Variants in MED13 observed in about 807,000 individuals in gnomAD.
The protein encoded by MED13 is mediator complex subunit 13.
Under a neutral mutation model 225.2 loss-of-function variants are expected in MED13, and 23 were observed. The ratio of observed to expected loss-of-function variants is 0.10; its 90% confidence interval spans 0.07 to 0.14. The LOEUF is 0.14. MED13 is among the 10% of genes least tolerant of loss of function. MED13 has a pLI of 1.00. For synonymous variants in MED13, 942 were observed against 889.2 expected, an observed-to-expected ratio of 1.06 and a Z score of -1.06; for missense variants, 2,197 against 2,594.5, an observed-to-expected ratio of 0.85 and a Z score of 3.33.
Position 61,982,845 on chromosome 17 carries a change from G to A in MED13, c.3158C>T (p.Pro1053Leu), listed in dbSNP as rs752881849. Residue 1053 changes from proline (P) to leucine (L), a missense_variant, in exon 16 of 30, where the codon CCC becomes CTC. Pro to Leu is a moderately conservative substitution (Grantham distance 98). This residue lies in a region of MED13 where 99 missense variants were observed against 158.5 expected (regional missense o/e 0.62). Coordinates refer to ENST00000397786, the MANE Select transcript of MED13 (RefSeq NM_005121.3). The part of the protein sequence containing the change: ...SPASTPSTCR[P>L]LNSVEPATVP... ...AGTTGCAGGTTCAACAGAATTAAGGGGTCTGCATGTAGATGGGGTAGAAGC... is the reference window on the plus strand; with the variant it reads ...AGTTGCAGGTTCAACAGAATTAAGGAGTCTGCATGTAGATGGGGTAGAAGC... The A allele has an allele frequency of 1.4e-5, 23 of 1,614,012 alleles. No homozygotes were observed. Among genetic ancestry groups the A allele is most frequent in the Non-Finnish European group, 1.9e-5 (23 of 1,180,034 alleles).
chr17:62,043,620 C>G (rs1301215417), intron 3 of MED13, among the ~76,000 whole-genome samples: 1 of 152,082 alleles, frequency 6.6e-6, no homozygotes, highest in African/African-American at 2.4e-5. Flanking sequence ...GGGCTTAAAC[C>G]CCTAGAACTG....
intron 8 of MED13, among the ~76,000 whole-genome samples, chr17:62,019,501 A>G (rs998350850): frequency 6.6e-6 from 1 of 152,234 alleles, no homozygotes; most frequent in African/African-American, 2.4e-5. Context: ...AGTAGGAGAA[A>G]TAGGATCTCC....
At chr17:62,049,700 G>C (rs2080937697) in intron 3 of MED13, among the ~76,000 whole-genome samples, 1 of 152,170 alleles carries the variant, frequency 6.6e-6, no homozygotes, top group East Asian at 1.9e-4. Flanking sequence ...GGGAGGCCGA[G>C]GTGGGCGGAT....
intron 16 of MED13, among the ~76,000 whole-genome samples, chr17:61,976,954 C>T (rs2080162193): frequency 6.6e-6 from 1 of 152,008 alleles, no homozygotes; most frequent in South Asian, 2.1e-4. Flanking sequence ...ACAAAAAAAA[C>T]AGAAAAAATA....
Position 61,987,137 on chromosome 17 carries a change from G to C in MED13, c.2264-9C>G. On this transcript the variant is annotated splice_polypyrimidine_tract_variant and intron_variant, in intron 11 of 29. Coordinates refer to ENST00000397786, the MANE Select transcript of MED13 (RefSeq NM_005121.3). Reference sequence around the variant, plus strand: ...AGTAGGGCGTGGAGCATCTACAAAAGTCAATCAGAAAAATAAAATTAAAAC... The same window carrying C: ...AGTAGGGCGTGGAGCATCTACAAAACTCAATCAGAAAAATAAAATTAAAAC... 1 of 1,580,942 alleles carries C rather than the reference G, an allele frequency of 6.3e-7. No individual in the cohort carries two copies. The highest frequency in any genetic ancestry group is 8.6e-7 in the Non-Finnish European group (1 of 1,167,374).
chr17:62,003,745 A>AATAG (rs1263270463), intron 9 of MED13: 1 of 152,126 alleles, frequency 6.6e-6, no homozygotes, highest in Non-Finnish European at 1.5e-5. Context: ...CTTGTCTATA[A>AATAG]GGCAGAAAAA....
intron 11 of MED13, among the ~76,000 whole-genome samples, chr17:61,991,429 T>G (rs770729420): frequency 3.3e-5 from 5 of 152,262 alleles, no homozygotes; most frequent in Non-Finnish European, 5.9e-5. Context: ...AACCTCTGCC[T>G]CCTGGGTTCA....
chr17:61,950,787 T>C (rs748528860), intron 28 of MED13, 38 bp downstream of exon 28: 3 of 1,575,608 alleles, frequency 1.9e-6, no homozygotes, highest in Non-Finnish European at 2.6e-6. Flanking sequence ...AGGCTGTCAA[T>C]CAGAATTATT....
Position 61,944,319 on chromosome 17 carries a change from ACT to A in MED13, c.*2147_*2148del, listed in dbSNP as rs1423704986. 2 of 151,454 alleles carry A rather than the reference ACT, an allele frequency of 1.3e-5. No homozygotes were observed. The highest frequency in any genetic ancestry group is 3.5e-3 in the Middle Eastern group (1 of 284). 9.4% of individuals were successfully genotyped at this position (151,454 alleles called of 1,614,324 possible). On this transcript the variant is annotated 3_prime_UTR_variant, in exon 30 of 30. Coordinates refer to ENST00000397786, the MANE Select transcript of MED13 (RefSeq NM_005121.3). ...TCACTATTAAGTGTATAAAAAGGAT[ACT>A]CTTTTTATGGAAATTCCAAATAAGC...
In MED13 at chr17:62,031,627, T is replaced by A; in HGVS notation, c.826A>T (p.Met276Leu). ...AVEVLVAGVRMIYPACFVLVP... is the reference protein window; with the variant it reads ...AVEVLVAGVRLIYPACFVLVP... ...AGAACAAAGCATGCTGGGTAGATCA[T>A]TCGGACACCAGCTGAAAGGAAAAAA... Residue 276 changes from methionine to leucine, a missense_variant, in exon 6 of 30, where the codon ATG becomes TTG. Physicochemically the swap from Met to Leu is conservative, Grantham distance 15. Transcript: ENST00000397786. 1 of 1,566,230 alleles carries A rather than the reference T, an allele frequency of 6.4e-7. No homozygotes were observed. Among genetic ancestry groups the A allele is most frequent in the Non-Finnish European group, 8.7e-7 (1 of 1,155,980 alleles).
chr17:62,053,750 T>C (rs913462753), intron 2 of MED13, among the ~76,000 whole-genome samples: 2 of 152,154 alleles, frequency 1.3e-5, no homozygotes, highest in African/African-American at 4.8e-5. Context: ...ACACCAAAAA[T>C]GCATACACTA....
intron 8 of MED13, among the ~76,000 whole-genome samples, chr17:62,014,064 C>T (rs2080537879): frequency 6.6e-6 from 1 of 151,510 alleles, no homozygotes; most frequent in Non-Finnish European, 1.5e-5. Flanking sequence ...CACAAACAAA[C>T]AAAAAAAGTA....
At chr17:62,041,102 T>C (rs551271630) in intron 3 of MED13, among the ~76,000 whole-genome samples, 3 of 152,324 alleles carry the variant, frequency 2.0e-5, no homozygotes, top group African/African-American at 7.2e-5. Flanking sequence ...AGCAGCATTA[T>C]TCACAATAGC....
At chr17:61,960,703 A>G (rs2079991115) in intron 23 of MED13, among the ~76,000 whole-genome samples, 164 bp downstream of exon 23, 1 of 152,140 alleles carries the variant, frequency 6.6e-6, no homozygotes, top group Non-Finnish European at 1.5e-5. Flanking sequence ...TATGTTAGTT[A>G]TACAATATAA....
chr17:61,965,833 G>T (rs1213317029), intron 19 of MED13, among the ~76,000 whole-genome samples: 1 of 152,084 alleles, frequency 6.6e-6, no homozygotes, highest in East Asian at 1.9e-4. Context: ...TGACTACATT[G>T]ACAGCTAATT....
At chr17:61,991,666 C>T (rs1269783446) in intron 11 of MED13, among the ~76,000 whole-genome samples, 1 of 152,120 alleles carries the variant, frequency 6.6e-6, no homozygotes, top group South Asian at 2.1e-4. Flanking sequence ...TGCCTCCATG[C>T]CCAGCTAATT....
chr17:61,997,676 A>C (rs2143528667), intron 9 of MED13, among the ~76,000 whole-genome samples: 1 of 152,306 alleles, frequency 6.6e-6, no homozygotes, highest in African/African-American at 2.4e-5. Context: ...AGAAATGAAA[A>C]GATTTTAAGT....
chr17:61,955,196 T>C, intron 26 of MED13, 186 bp downstream of exon 26: 1 of 435,144 alleles, frequency 2.3e-6, no homozygotes, highest in Non-Finnish European at 4.0e-6. Context: ...TAAGAACACA[T>C]GTTATCGCAT....
At position 62,045,480 on chromosome 17, in the gene MED13, G is replaced by A. The variant is rs555342350; in HGVS notation, c.470+7057C>T. Among the ~76,000 whole-genome samples the A allele has an allele frequency of 5.3e-5, 8 of 151,794 alleles. No homozygotes were observed. The South Asian group carries it at 8.3e-4, about 16-fold the overall frequency. On this transcript the variant is annotated intron_variant, in intron 3 of 29. Coordinates refer to ENST00000397786, the MANE Select transcript of MED13 (RefSeq NM_005121.3). ...TGTGGCTGCAATGAGTTATGATTGC[G>A]CTACTGCCATCCATCTTGGGCACAG...
Sources: allele counts gnomAD v4.1 joint callset (sites outside exome capture counted in the v4.1 genomes callset), GRCh38; gene constraint gnomAD v4.1.1; regional missense constraint gnomAD v4.1.1; transcripts MANE v1.5; gene names NCBI Gene and HGNC (gene_info 2026-07-23, HGNC 2026-07-21).